Variants in FAM20B observed in about 807,000 individuals in gnomAD.
FAM20B encodes FAM20B glycosaminoglycan xylosylkinase, also known as glycosaminoglycan xylosylkinase.
A neutral mutation model predicts 43.8 loss-of-function variants in FAM20B; 23 were observed. The observed-to-expected ratio is 0.53, with a 90% CI of 0.38 to 0.74. The LOEUF (loss-of-function observed/expected upper bound fraction) is 0.74. Among genes scored for constraint, FAM20B ranks in the 30% least tolerant of loss-of-function variants. The pLI, the probability that FAM20B is intolerant of heterozygous loss-of-function variation, is 0.00. For synonymous variants in FAM20B, 178 were observed against 192.4 expected, an observed-to-expected ratio of 0.93 and a Z score of 0.62; for missense variants, 440 against 510.5, an observed-to-expected ratio of 0.86 and a Z score of 1.33.
rs146097391 is a variant in FAM20B, at chr1:179,044,148, G to A, written c.301G>A (p.Val101Met). Residue 101 changes from valine to methionine, a missense_variant, in exon 2 of 8, where the codon GTG becomes ATG. Transcript: ENST00000263733. ...CACCAAGAAAATCATTAAAGCTGAT[G>A]TGGGTTATAAAGGGACACAGCTGAA... ...MATKKIIKAD[V>M]GYKGTQLKAL... 3.8e-5 allele frequency: 61 copies of A among 1,614,076 alleles called. No homozygotes were observed. The highest frequency in any genetic ancestry group is 6.8e-6 in the Non-Finnish European group (8 of 1,180,036).
chr1:179,018,431 C>T, the FAM20B span, among the ~76,000 whole-genome samples: 59,717 of 151,808 alleles, frequency 0.39, 12,038 homozygotes, highest in African/African-American at 0.46. Context: ...CTCAGCCTCC[C>T]GAGTAGCTGG....
chr1:179,033,810 A>G (rs1289753080), intron 1 of FAM20B, among the ~76,000 whole-genome samples: 1 of 152,018 alleles, frequency 6.6e-6, no homozygotes, highest in East Asian at 1.9e-4. Context: ...CTCCTGCCTC[A>G]GCCTCTCAAG....
chr1:179,037,019 G>C (rs1298673165), intron 1 of FAM20B, among the ~76,000 whole-genome samples: 1 of 152,258 alleles, frequency 6.6e-6, no homozygotes, highest in Non-Finnish European at 1.5e-5. Flanking sequence ...AGCATGTTCA[G>C]TTGATCCATT....
At chr1:179,043,296 C>G (rs1176884729) in intron 1 of FAM20B, among the ~76,000 whole-genome samples, 1 of 152,230 alleles carries the variant, frequency 6.6e-6, no homozygotes, top group Non-Finnish European at 1.5e-5. Flanking sequence ...TGCTCCACCC[C>G]AGAGTGGGTG....
At chr1:179,040,927 C>T (rs1382211729) in intron 1 of FAM20B, among the ~76,000 whole-genome samples, 4 of 143,498 alleles carry the variant, frequency 2.8e-5, no homozygotes, top group East Asian at 4.3e-4. Flanking sequence ...CGCTCCTCAC[C>T]TCCCAGACGG....
intron 3 of FAM20B, among the ~76,000 whole-genome samples, chr1:179,053,766 G>C (rs148348645): frequency 1.8e-4 from 28 of 152,266 alleles, no homozygotes; most frequent in African/African-American, 5.8e-4. Context: ...ATATAAAACT[G>C]CATACAATAT....
At chr1:179,045,262 T>G (rs1650714217) in intron 2 of FAM20B, among the ~76,000 whole-genome samples, 1 of 152,246 alleles carries the variant, frequency 6.6e-6, no homozygotes, top group South Asian at 2.1e-4. Flanking sequence ...ATGATGGTGA[T>G]TTGTATTCTT....
At chr1:179,024,433 T>C (rs1227352753), upstream of FAM20B, among the ~76,000 whole-genome samples, 1 of 152,226 alleles carries the variant, frequency 6.6e-6, no homozygotes, top group African/African-American at 2.4e-5. Context: ...TTTTGCTTTA[T>C]GGTCTCCTGA....
chr1:179,054,865 A>G (rs1409317144), intron 4 of FAM20B, among the ~76,000 whole-genome samples: 1 of 152,180 alleles, frequency 6.6e-6, no homozygotes, highest in Non-Finnish European at 1.5e-5. Context: ...ATAGGGAGTG[A>G]GGTCATTTAG....
intron 7 of FAM20B, among the ~76,000 whole-genome samples, chr1:179,070,085 G>A (rs1034755226): frequency 3.3e-5 from 5 of 151,994 alleles, no homozygotes; most frequent in Admixed American, 6.6e-5. Flanking sequence ...TCGCTCTGTT[G>A]CCCAGGCTGG....
Position 179,066,870 on chromosome 1 carries a change from C to G in FAM20B, c.998+11C>G. ...CTATCAGTGTTGCATGTAAGTTATG[C>G]ACAGCAAATACATGTGCCTGCATTG... On this transcript the variant is annotated intron_variant, in intron 7 of 7. Transcript: ENST00000263733. The G allele has an allele frequency of 6.3e-7, 1 of 1,587,264 alleles. No homozygotes were observed. The highest frequency in any genetic ancestry group is 8.7e-7 in the Non-Finnish European group (1 of 1,155,472).
At chr1:179,058,308 A>G (rs1384745027) in intron 4 of FAM20B, among the ~76,000 whole-genome samples, 1 of 152,236 alleles carries the variant, frequency 6.6e-6, no homozygotes, top group Non-Finnish European at 1.5e-5. Context: ...GTCACATGTA[A>G]TACAAATATG....
At chr1:179,070,618 G>A (rs909740535) in intron 7 of FAM20B, among the ~76,000 whole-genome samples, 1 of 140,534 alleles carries the variant, frequency 7.1e-6, no homozygotes, top group African/African-American at 2.7e-5. Flanking sequence ...TCCACCTCCC[G>A]GGTTCAAGTG....
intron 1 of FAM20B, among the ~76,000 whole-genome samples, chr1:179,040,616 G>C: frequency 7.5e-6 from 1 of 133,976 alleles, no homozygotes; most frequent in East Asian, 2.2e-4. Context: ...GGGCGGCCGG[G>C]CAGAGGCGCC....
At chr1:179,017,639 A>G in the FAM20B span, among the ~76,000 whole-genome samples, 1 of 152,084 alleles carries the variant, frequency 6.6e-6, no homozygotes, top group Non-Finnish European at 1.5e-5. Context: ...TCTTTGGTGC[A>G]TTTTATAACC....
intron 1 of FAM20B, among the ~76,000 whole-genome samples, chr1:179,034,001 T>C (rs1650115336): frequency 6.6e-6 from 1 of 152,136 alleles, no homozygotes. Context: ...CTGTTATTTC[T>C]TATAATTATA....
intron 1 of FAM20B, among the ~76,000 whole-genome samples, chr1:179,036,461 C>G (rs563544978): frequency 6.6e-6 from 1 of 152,040 alleles, no homozygotes; most frequent in East Asian, 1.9e-4. Flanking sequence ...AAGCATGTAT[C>G]GGAGGAGCTG....
chr1:179,057,142 C>T (rs189652042), intron 4 of FAM20B, among the ~76,000 whole-genome samples: 2 of 152,028 alleles, frequency 1.3e-5, no homozygotes, highest in East Asian at 1.9e-4. Context: ...GGCGGGAGTT[C>T]GAGACCAGCC....
intron 4 of FAM20B, 30 bp from the exon 5 acceptor site, chr1:179,063,897 A>C (rs1388589087): frequency 3.3e-6 from 5 of 1,536,300 alleles, no homozygotes; most frequent in Non-Finnish European, 4.4e-6. Context: ...TTATTTCCTT[A>C]AGTGTATTTG....
Sources: gnomAD v4.1 joint callset for allele counts (sites outside exome capture counted in the v4.1 genomes callset) on GRCh38, gnomAD v4.1.1 for gene constraint, MANE v1.5 for transcripts, NCBI Gene and HGNC (gene_info 2026-07-23, HGNC 2026-07-21) for gene names.